PLEKHG1: variants seen among roughly 807,000 people sequenced by gnomAD.
The protein encoded by PLEKHG1 is pleckstrin homology and RhoGEF domain containing G1.
A neutral mutation model predicts 100.8 loss-of-function variants in PLEKHG1; 44 were observed. The observed-to-expected ratio is 0.44, with a 90% CI of 0.34 to 0.56. PLEKHG1 has a LOEUF of 0.56. Ranked by LOEUF, PLEKHG1 falls within the 20% of genes least tolerant of loss-of-function variation. The pLI, the probability that PLEKHG1 is intolerant of heterozygous loss-of-function variation, is 0.01. For missense variants in PLEKHG1, 1,545 were observed against 1,720.9 expected (o/e 0.90, Z 1.81); for synonymous variants, 640 against 662.5 (o/e 0.97, Z 0.52).
rs532692075 is a variant in PLEKHG1 at position 150,753,288 on chromosome 6, T to C, written c.412-15350T>C. On this transcript the variant is annotated intron_variant, in intron 2 of 15. Transcript: ENST00000358517. ...GGGGCAGAATCACCCCTGAAGGACA[T>C]TGTGGGGTGGGTGTGTGTGTGTTGG... Among the ~76,000 whole-genome samples the C allele has an allele frequency of 7.4e-4, 112 of 152,046 alleles. 1 individual carries two copies. The highest frequency in any genetic ancestry group is 2.5e-3 in the African/African-American group (102 of 41,518).
intron 14 of PLEKHG1, among the ~76,000 whole-genome samples, chr6:150,824,595 C>T (rs1231757384): frequency 6.6e-6 from 1 of 151,176 alleles, no homozygotes; most frequent in Non-Finnish European, 1.5e-5. Context: ...AATCTCAGTT[C>T]ACTGCAACCT....
chr6:150,807,623 CG>C (rs1242874495), intron 7 of PLEKHG1, among the ~76,000 whole-genome samples: 1 of 152,000 alleles, frequency 6.6e-6, no homozygotes, highest in Non-Finnish European at 1.5e-5. Flanking sequence ...AGCACTAAAA[CG>C]GGGAGTGGGG....
In PLEKHG1 at chr6:150,751,004, G is replaced by A. The variant is rs116010592; in HGVS notation, c.411+16912G>A. Among the ~76,000 whole-genome samples, 462 of 152,188 alleles carry A rather than the reference G, an allele frequency of 3.0e-3. 4 individuals are homozygous for A. The highest frequency in any genetic ancestry group is 0.011 in the African/African-American group (441 of 41,508). On this transcript the variant is annotated intron_variant, in intron 2 of 15. Coordinates refer to ENST00000358517, the Ensembl canonical transcript of PLEKHG1. ...GATTGTTGCAAAAATTAGATCATCC[G>A]TGTACAATGTTGAGCACAATGCTAG...
At chr6:150,746,137 C>T (rs1366451941) in intron 2 of PLEKHG1, among the ~76,000 whole-genome samples, 1 of 152,146 alleles carries the variant, frequency 6.6e-6, no homozygotes, top group African/African-American at 2.4e-5. Context: ...ACCAAGATAG[C>T]CGCTAGGTTG....
intron 3 of PLEKHG1, among the ~76,000 whole-genome samples, chr6:150,778,011 G>T (rs1445839649): frequency 2.0e-5 from 3 of 152,232 alleles, no homozygotes; most frequent in Non-Finnish European, 4.4e-5. Context: ...ATCTTTTATA[G>T]CGAGATGTCT....
chr6:150,717,539 G>A (rs575133753), upstream of PLEKHG1, among the ~76,000 whole-genome samples: 1 of 152,292 alleles, frequency 6.6e-6, no homozygotes, highest in South Asian at 2.1e-4. Context: ...TAGGCCAGAA[G>A]GCCACCTGCA....
intron 3 of PLEKHG1, among the ~76,000 whole-genome samples, chr6:150,698,794 G>A (rs905060609): frequency 3.9e-5 from 6 of 152,160 alleles, no homozygotes; most frequent in Admixed American, 2.0e-4. Context: ...TTTAAAAGAC[G>A]CTAAGTGTCT....
At chr6:150,607,774 C>G (rs1295337669) in intron 1 of PLEKHG1, among the ~76,000 whole-genome samples, 2 of 151,968 alleles carry the variant, frequency 1.3e-5, no homozygotes, top group Non-Finnish European at 2.9e-5. Flanking sequence ...TGAGGAATAG[C>G]GAGGGTGGGG....
chr6:150,782,062 A>G (rs1175676235), intron 3 of PLEKHG1, among the ~76,000 whole-genome samples: 3 of 151,808 alleles, frequency 2.0e-5, no homozygotes, highest in East Asian at 3.9e-4. Flanking sequence ...ACAGGTGTGA[A>G]CCACCATGCC....
intron 10 of PLEKHG1, among the ~76,000 whole-genome samples, chr6:150,810,746 C>T (rs567786208): frequency 6.6e-6 from 1 of 152,064 alleles, no homozygotes; most frequent in Admixed American, 6.6e-5. Context: ...CATGGTGAAT[C>T]CCCATCTCTA....
intron 2 of PLEKHG1, among the ~76,000 whole-genome samples, chr6:150,760,551 T>C (rs1264773737): frequency 6.6e-6 from 1 of 152,138 alleles, no homozygotes; most frequent in Non-Finnish European, 1.5e-5. Context: ...GTGGCCCGTT[T>C]TGAAGACTTT....
chr6:150,733,207 G>A (rs558326725), intron 1 of PLEKHG1, among the ~76,000 whole-genome samples: 2 of 152,210 alleles, frequency 1.3e-5, no homozygotes, highest in East Asian at 1.9e-4. Flanking sequence ...TGCCCTGACC[G>A]CTCAGCCTTT....
At chr6:150,638,030 C>T (rs1017353067) in intron 1 of PLEKHG1, 3 of 152,090 alleles carry the variant, frequency 2.0e-5, no homozygotes, top group Admixed American at 2.0e-4. Flanking sequence ...TATTTTGGCA[C>T]TTACTTGTTT....
intron 7 of PLEKHG1, among the ~76,000 whole-genome samples, chr6:150,808,596 A>C (rs1787284421): frequency 6.6e-6 from 1 of 152,036 alleles, no homozygotes; most frequent in South Asian, 2.1e-4. Context: ...CTAAAAATGC[A>C]AAAAAATTTA....
intron 2 of PLEKHG1, among the ~76,000 whole-genome samples, chr6:150,759,860 T>C (rs984668093): frequency 6.6e-6 from 1 of 151,872 alleles, no homozygotes; most frequent in Non-Finnish European, 1.5e-5. Context: ...TAGCCCAGTG[T>C]GGTGGTGTGA....
intron 3 of PLEKHG1, among the ~76,000 whole-genome samples, chr6:150,697,411 T>C (rs1780589608): frequency 6.6e-6 from 1 of 152,210 alleles, no homozygotes; most frequent in Non-Finnish European, 1.5e-5. Context: ...TGCAAGGTCG[T>C]GGAGCTTAAG....
At position 150,737,866 on chromosome 6, in the gene PLEKHG1, C is replaced by T. The variant is rs556509004; in HGVS notation, c.411+3774C>T. Among the ~76,000 whole-genome samples, 178 of 152,136 alleles carry T rather than the reference C, an allele frequency of 1.2e-3. 1 individual carries two copies. Among genetic ancestry groups the T allele is most frequent in the Middle Eastern group, 3.4e-3 (1 of 294 alleles). ...TCACCCAGGCTAGAGTGCAGTGGCACGATCATGACTCACTGCAGCCTCGAC... is the reference window on the plus strand; with the variant it reads ...TCACCCAGGCTAGAGTGCAGTGGCATGATCATGACTCACTGCAGCCTCGAC... On this transcript the variant is annotated intron_variant, in intron 2 of 15. Coordinates refer to ENST00000358517, the Ensembl canonical transcript of PLEKHG1.
intron 2 of PLEKHG1, among the ~76,000 whole-genome samples, chr6:150,644,334 G>GTTTTGTT (rs1554255839): frequency 8.5e-6 from 1 of 117,622 alleles, no homozygotes; most frequent in Non-Finnish European, 1.7e-5. Flanking sequence ...TTCTTTTCGT[G>GTTTTGTT]TTTTTTTTTT....
chr6:150,734,057 A>G (rs755998355), exon 2 of PLEKHG1: 2 of 1,613,978 alleles, frequency 1.2e-6, no homozygotes, highest in Non-Finnish European at 1.7e-6. Context: ...GGAAACCGAA[A>G]GGACTTATGT....
Sources: gnomAD v4.1 joint callset for allele counts (sites outside exome capture counted in the v4.1 genomes callset) on GRCh38, gnomAD v4.1.1 for gene constraint, MANE v1.5 for transcripts, NCBI Gene and HGNC (gene_info 2026-07-23, HGNC 2026-07-21) for gene names.